TRDN: variants seen among roughly 807,000 people sequenced by gnomAD.
The protein encoded by TRDN is triadin.
TRDN carries 161 observed loss-of-function variants against 149.7 expected under a neutral mutation model. That is an observed-to-expected ratio of 1.08 (90% CI 0.95 to 1.23). The LOEUF (loss-of-function observed/expected upper bound fraction) is 1.23, where lower values mean the gene tolerates loss of function less well. Among genes scored for constraint, TRDN ranks in the 50% most tolerant of loss-of-function variants. The pLI is 0.00. For missense variants in TRDN, 896 were observed against 823.5 expected (o/e 1.09, Z -1.08); for synonymous variants, 294 against 250.5 (o/e 1.17, Z -1.64).
At chr6:123,351,834 G>A (rs1780472817) in intron 21 of TRDN, 2 of 973,854 alleles carry the variant, frequency 2.1e-6, no homozygotes, top group South Asian at 4.8e-5. Context: ...AATGACATGA[G>A]GGAACGACAA....
intron 29 of TRDN, 90 bp from the exon 30 acceptor site, chr6:123,271,276 G>A: frequency 3.5e-6 from 3 of 866,664 alleles, no homozygotes; most frequent in Non-Finnish European, 5.0e-6. Context: ...TTTTGAAATA[G>A]TGCCAATGCC....
At chr6:123,410,021 A>G (rs752780390) in intron 12 of TRDN, among the ~76,000 whole-genome samples, 28 of 152,212 alleles carry the variant, frequency 1.8e-4, no homozygotes, top group Non-Finnish European at 3.8e-4. Flanking sequence ...AGAGTTATCA[A>G]GAGATGAAGC....
intron 24 of TRDN, among the ~76,000 whole-genome samples, chr6:123,306,431 A>T (rs1354852717): frequency 6.6e-6 from 1 of 152,090 alleles, no homozygotes; most frequent in Non-Finnish European, 1.5e-5. Context: ...GTGAAAGCTG[A>T]TAATCTAAAT....
At chr6:123,443,696 A>G (rs981410221) in intron 10 of TRDN, among the ~76,000 whole-genome samples, 1 of 151,424 alleles carries the variant, frequency 6.6e-6, no homozygotes, top group Admixed American at 6.6e-5. Context: ...TGATTTTTGT[A>G]TAAGGTGTAA....
At chr6:123,462,707 T>G (rs1776524339) in intron 10 of TRDN, 1 of 152,186 alleles carries the variant, frequency 6.6e-6, no homozygotes, top group African/African-American at 2.4e-5. Context: ...CTTTATTTTT[T>G]TTTTCTTTTT....
At chr6:123,540,137 G>C (rs1373783820) in intron 4 of TRDN, among the ~76,000 whole-genome samples, 1 of 152,174 alleles carries the variant, frequency 6.6e-6, no homozygotes, top group African/African-American at 2.4e-5. Context: ...CCAAGGGCGG[G>C]GGCCCATTTC....
At chr6:123,602,944 CAGTATG>C (rs1232854099) in intron 1 of TRDN, among the ~76,000 whole-genome samples, 1 of 151,946 alleles carries the variant, frequency 6.6e-6, no homozygotes, top group East Asian at 1.9e-4. Context: ...AAAAAAAAAT[CAGTATG>C]TGATTTAGAT....
intron 10 of TRDN, among the ~76,000 whole-genome samples, chr6:123,461,266 T>C (rs1311162026): frequency 9.2e-5 from 14 of 152,188 alleles, no homozygotes; most frequent in Admixed American, 3.3e-4. Context: ...GGCAGGACTC[T>C]GGTCTTCTCT....
chr6:123,281,506 T>G (rs1777583163), intron 24 of TRDN, among the ~76,000 whole-genome samples: 1 of 152,022 alleles, frequency 6.6e-6, no homozygotes, highest in South Asian at 2.1e-4. Flanking sequence ...GTTATGGAGA[T>G]TCTCTCCAGT....
chr6:123,370,960 A>T (rs1781301539), intron 19 of TRDN, among the ~76,000 whole-genome samples: 1 of 141,148 alleles, frequency 7.1e-6, no homozygotes. Flanking sequence ...TTTTGCTATT[A>T]ATCTCTTGCT....
chr6:123,544,836 T>A (rs1261093808), intron 4 of TRDN, among the ~76,000 whole-genome samples: 1 of 151,968 alleles, frequency 6.6e-6, no homozygotes, highest in Admixed American at 6.6e-5. Flanking sequence ...TATTTATATA[T>A]AACAACAGAT....
intron 7 of TRDN, among the ~76,000 whole-genome samples, chr6:123,507,483 A>T (rs894117883): frequency 1.6e-4 from 24 of 152,248 alleles, no homozygotes; most frequent in African/African-American, 5.5e-4. Context: ...ACTTTGCCTC[A>T]TAGTAGAAAA....
At chr6:123,231,166 T>G (rs985641767) in intron 38 of TRDN, among the ~76,000 whole-genome samples, 1 of 152,002 alleles carries the variant, frequency 6.6e-6, no homozygotes, top group African/African-American at 2.4e-5. Context: ...CTTTGCTCTG[T>G]GCCCTGGAGG....
intron 9 of TRDN, among the ~76,000 whole-genome samples, chr6:123,478,064 A>G (rs1381318704): frequency 6.9e-6 from 1 of 144,522 alleles, no homozygotes; most frequent in Non-Finnish European, 1.5e-5. Context: ...ATAATAATAA[A>G]AAAAAAGAAA....
intron 1 of TRDN, among the ~76,000 whole-genome samples, chr6:123,583,229 T>G (rs4509145): frequency 0.9 from 137,130 of 152,096 alleles, 61,978 homozygotes; most frequent in East Asian, 1. Flanking sequence ...GTGTAAACAA[T>G]AGCAGGGCAT....
intron 16 of TRDN, among the ~76,000 whole-genome samples, chr6:123,379,574 C>T (rs183885794): frequency 2.3e-4 from 35 of 152,218 alleles, no homozygotes; most frequent in African/African-American, 8.4e-4. Flanking sequence ...CAGATTTGGA[C>T]ATGCATCAGA....
At chr6:123,429,761 A>G (rs1371067545) in intron 12 of TRDN, among the ~76,000 whole-genome samples, 1 of 152,214 alleles carries the variant, frequency 6.6e-6, no homozygotes, top group African/African-American at 2.4e-5. Flanking sequence ...CTACTGTATA[A>G]TTACATTATT....
intron 9 of TRDN, among the ~76,000 whole-genome samples, chr6:123,475,367 G>T (rs1220175167): frequency 6.9e-6 from 1 of 144,624 alleles, no homozygotes; most frequent in African/African-American, 2.6e-5. Context: ...GGAAGAAGTT[G>T]AATCTCTGAA....
In TRDN at chr6:123,271,151, T is replaced by C. The variant is rs915231524; in HGVS notation, c.1708A>G (p.Ile570Val). Residue 570 changes from isoleucine (I) to valine (V), a missense_variant, in exon 30 of 41, where the codon ATA becomes GTA. Physicochemically the swap from Ile to Val is conservative, Grantham distance 29. Coordinates refer to ENST00000334268, the MANE Select transcript of TRDN (RefSeq NM_006073.4). ...ATACCTTATTTACCTGTTTTTTCTATTGTGACAGCTTTTACCTGCTTGAGA... is the reference window on the plus strand; with the variant it reads ...ATACCTTATTTACCTGTTTTTTCTACTGTGACAGCTTTTACCTGCTTGAGA... ...KVLKQVKAVT[I>V]EKTAKPKPTK... 2.0e-5 allele frequency: 30 copies of C among 1,536,394 alleles called. No homozygotes were observed. Among genetic ancestry groups the C allele is most frequent in the Admixed American group, 6.2e-5 (3 of 48,272 alleles).
Sources: gnomAD v4.1 joint callset for allele counts (sites outside exome capture counted in the v4.1 genomes callset) on GRCh38, gnomAD v4.1.1 for gene constraint, MANE v1.5 for transcripts, NCBI Gene and HGNC (gene_info 2026-07-23, HGNC 2026-07-21) for gene names.